The following EPHA6 variants were observed in gnomAD, a reference collection of about 807,000 sequenced individuals.
EPHA6 encodes the protein ephrin type-A receptor 6.
In EPHA6, 50 loss-of-function variants were observed where a neutral mutation model predicts 112.0. The ratio of observed to expected loss-of-function variants is 0.45; its 90% CI spans 0.36 to 0.56. The LOEUF (loss-of-function observed/expected upper bound fraction) is 0.56. Among genes scored for constraint, EPHA6 ranks in the 20% least tolerant of loss-of-function variants. EPHA6 has a pLI of 0.00. For missense variants in EPHA6, 1,280 were observed against 1,417.4 expected (o/e 0.90, Z 1.56); for synonymous variants, 529 against 490.7 (o/e 1.08, Z -1.03).
chr3:96,969,686 GT>G (rs1354772316), intron 2 of EPHA6, among the ~76,000 whole-genome samples: 6 of 151,850 alleles, frequency 4.0e-5, no homozygotes, highest in Non-Finnish European at 8.8e-5. Context: ...CCAGATTTCT[GT>G]GTGAAGATTG....
At chr3:96,996,211 A>C (rs554157813) in intron 3 of EPHA6, among the ~76,000 whole-genome samples, 409 of 152,214 alleles carry the variant, frequency 2.7e-3, no homozygotes, top group Non-Finnish European at 4.7e-3. Context: ...GCAGCAATTC[A>C]TTCATATCTT....
In EPHA6 at chr3:97,462,355, G is replaced by A. The variant is rs746624891; in HGVS notation, c.1895-12997G>A. 1.4e-4 allele frequency among the ~76,000 whole-genome samples: 22 copies of A among 152,144 alleles called. No individual in the cohort carries two copies. The East Asian group carries it at 2.1e-3, about 15-fold the overall frequency. ...ATGATTTTTTGGACCATCCTGTGCC[G>A]TGAATCAGCTGCTACTCCCCTACGT... On this transcript the variant is annotated intron_variant, in intron 7 of 17. Transcript: ENST00000389672.
At chr3:97,690,182 C>A (rs2032558202) in intron 14 of EPHA6, among the ~76,000 whole-genome samples, 1 of 152,282 alleles carries the variant, frequency 6.6e-6, no homozygotes, top group South Asian at 2.1e-4. Context: ...TGGAGTTAAA[C>A]AGGATAACTC....
intron 14 of EPHA6, among the ~76,000 whole-genome samples, chr3:97,655,122 TTA>T (rs1247243656): frequency 6.8e-6 from 1 of 147,736 alleles, no homozygotes; most frequent in Admixed American, 6.8e-5. Flanking sequence ...ATTATATATT[TTA>T]TATATATATA....
chr3:97,748,617 T>A lies in EPHA6; in HGVS notation c.3309T>A (p.Ile1103=). ...DDIRRIGVIL[I]GHQRRIVSSI... ...TTAGAAGAATTGGAGTCATACTTAT[T>A]GGACACCAGAGACGAATAGTCAGCA... The change falls in exon 18 of 18, where the codon ATT becomes ATA. Residue 1103 remains isoleucine (I), a synonymous_variant. Transcript: ENST00000389672. 1 of 1,610,612 alleles carries A rather than the reference T, an allele frequency of 6.2e-7. No individual in the cohort carries two copies. The highest frequency in any genetic ancestry group is 8.5e-7 in the Non-Finnish European group (1 of 1,177,150).
At chr3:97,503,374 T>G (rs1238641718) in intron 10 of EPHA6, among the ~76,000 whole-genome samples, 4 of 152,218 alleles carry the variant, frequency 2.6e-5, no homozygotes, top group Non-Finnish European at 2.9e-5. Flanking sequence ...GGTAAAACTG[T>G]GAGCTGAAAA....
intron 11 of EPHA6, among the ~76,000 whole-genome samples, chr3:97,554,798 T>C (rs947407683): frequency 6.6e-6 from 1 of 151,958 alleles, no homozygotes; most frequent in Non-Finnish European, 1.5e-5. Context: ...GTGGTCATGT[T>C]TTCTGTTTCT....
intron 6 of EPHA6, among the ~76,000 whole-genome samples, chr3:97,416,972 A>G (rs944646318): frequency 6.6e-6 from 1 of 152,176 alleles, no homozygotes; most frequent in African/African-American, 2.4e-5. Flanking sequence ...AAATGTCTTT[A>G]ACATATTTAT....
At chr3:97,442,816 A>G (rs2107287731) in intron 6 of EPHA6, among the ~76,000 whole-genome samples, 1 of 152,252 alleles carries the variant, frequency 6.6e-6, no homozygotes, top group East Asian at 1.9e-4. Context: ...TCAGCAAAAT[A>G]AAGTCCACGG....
intron 1 of EPHA6, among the ~76,000 whole-genome samples, chr3:96,843,773 C>T (rs1187694760): frequency 6.6e-6 from 1 of 151,906 alleles, no homozygotes; most frequent in Non-Finnish European, 1.5e-5. Context: ...ATGGAACAGC[C>T]TTTGTTTATA....
At chr3:97,343,016 A>G (rs2108865888) in intron 5 of EPHA6, among the ~76,000 whole-genome samples, 1 of 152,310 alleles carries the variant, frequency 6.6e-6, no homozygotes, top group Middle Eastern at 3.4e-3. Flanking sequence ...TATCGGTTAG[A>G]AAAGTTTTGA....
At chr3:97,159,847 G>A (rs578188080) in intron 3 of EPHA6, among the ~76,000 whole-genome samples, 10 of 152,298 alleles carry the variant, frequency 6.6e-5, no homozygotes, top group African/African-American at 1.9e-4. Flanking sequence ...TTTGGCAGAA[G>A]TATTGCATGT....
intron 11 of EPHA6, among the ~76,000 whole-genome samples, chr3:97,574,641 A>C (rs1459308245): frequency 2.6e-5 from 4 of 152,206 alleles, no homozygotes; most frequent in Non-Finnish European, 5.9e-5. Flanking sequence ...TTGTTAAACA[A>C]AGACTACTAT....
intron 3 of EPHA6, among the ~76,000 whole-genome samples, chr3:97,063,779 C>T (rs2046098310): frequency 6.6e-6 from 1 of 152,128 alleles, no homozygotes; most frequent in African/African-American, 2.4e-5. Context: ...GAAAACCCTT[C>T]ATCTTCTAGT....
At chr3:97,163,812 A>G (rs931774010) in intron 3 of EPHA6, among the ~76,000 whole-genome samples, 1 of 152,202 alleles carries the variant, frequency 6.6e-6, no homozygotes, top group African/African-American at 2.4e-5. Flanking sequence ...CCATTCCCAC[A>G]TGGCCCCAAT....
intron 3 of EPHA6, among the ~76,000 whole-genome samples, chr3:97,174,878 C>A (rs1004661249): frequency 6.6e-6 from 1 of 151,566 alleles, no homozygotes; most frequent in Admixed American, 6.6e-5. Flanking sequence ...GTATCTTTGC[C>A]GTGAAGAGCC....
intron 11 of EPHA6, among the ~76,000 whole-genome samples, chr3:97,564,488 AATTG>A (rs2093234977): frequency 6.6e-6 from 1 of 152,166 alleles, no homozygotes; most frequent in African/African-American, 2.4e-5. Flanking sequence ...ATCAAATTTA[AATTG>A]ATTGACAAAA....
intron 5 of EPHA6, among the ~76,000 whole-genome samples, chr3:97,299,495 G>T (rs1487921907): frequency 1.3e-5 from 2 of 152,064 alleles, no homozygotes; most frequent in Non-Finnish European, 2.9e-5. Flanking sequence ...ATTTTTTCAT[G>T]TTTCCAAGCT....
At position 97,192,122 on chromosome 3, in the gene EPHA6, A is replaced by G. The variant is rs189136433; in HGVS notation, c.1115-34142A>G. ...ATTTTATATAACTATTTGCCACTCTATGGGTTTTTTTGTTTTTTATTTTGT... is the reference window on the plus strand; with the variant it reads ...ATTTTATATAACTATTTGCCACTCTGTGGGTTTTTTTGTTTTTTATTTTGT... On this transcript the variant is annotated intron_variant, in intron 3 of 17. Coordinates refer to ENST00000389672, the MANE Select transcript of EPHA6 (RefSeq NM_001080448.3). Among the ~76,000 whole-genome samples, 479 of 151,888 alleles carry G rather than the reference A, an allele frequency of 3.2e-3. 1 individual carries two copies. Among genetic ancestry groups the G allele is most frequent in the African/African-American group, 0.011 (441 of 41,490 alleles).
Sources: gnomAD v4.1 joint callset for allele counts (sites outside exome capture counted in the v4.1 genomes callset) on GRCh38, gnomAD v4.1.1 for gene constraint, MANE v1.5 for transcripts, NCBI Gene and HGNC (gene_info 2026-07-23, HGNC 2026-07-21) for gene names.